Variants in NF1 observed in about 807,000 individuals in gnomAD.
The protein encoded by NF1 is neurofibromin.
A neutral mutation model predicts 325.7 loss-of-function variants in NF1; 122 were observed. The ratio of observed to expected loss-of-function variants is 0.37; its 90% CI spans 0.32 to 0.44. The LOEUF (loss-of-function observed/expected upper bound fraction) is 0.44, where lower values mean the gene tolerates loss of function less well. NF1 is among the 20% of genes least tolerant of loss of function. NF1 has a pLI of 1.00. For synonymous variants in NF1, 1,091 were observed against 1,186.0 expected, an observed-to-expected ratio of 0.92 and a Z score of 1.65; for missense variants, 2,140 against 3,415.4, an observed-to-expected ratio of 0.63 and a Z score of 9.31.
rs1356050612 is a variant in NF1, at chr17:31,282,507, C to G, written c.4835+17168C>G. 4.6e-5 allele frequency among the ~76,000 whole-genome samples: 7 copies of G among 152,250 alleles called. No homozygotes were observed. In the East Asian group the frequency reaches 1.3e-3, roughly 29 times the overall value. On this transcript the variant is annotated intron_variant, in intron 36 of 57. Transcript: ENST00000358273. ...TCATAGCCATCAACAGTCACTCTCCCCTTTCCTCCTGCCCCCCCTCAGCCC... is the reference window on the plus strand; with the variant it reads ...TCATAGCCATCAACAGTCACTCTCCGCTTTCCTCCTGCCCCCCCTCAGCCC...
rs926477667 is a variant in NF1 at position 31,185,733 on chromosome 17, C to G, written c.888+3068C>G. Among the ~76,000 whole-genome samples, 13 of 152,142 alleles carry G rather than the reference C, an allele frequency of 8.5e-5. No homozygotes were observed. In the South Asian group the frequency reaches 2.7e-3, roughly 32 times the overall value. The stretch of plus-strand genomic sequence containing the variant: ...AAGAACTGCCAGTTTTGAGTGGGGT[C>G]CAGAACAGGAGAAGGCTCTGCAACA... On this transcript the variant is annotated intron_variant, in intron 8 of 57. Coordinates refer to ENST00000358273, the MANE Select transcript of NF1 (RefSeq NM_001042492.3).
chr17:31,107,602 A>T (rs1042465827), intron 1 of NF1, among the ~76,000 whole-genome samples: 9 of 152,066 alleles, frequency 5.9e-5, no homozygotes, highest in Non-Finnish European at 1.0e-4. Flanking sequence ...AATAAATAAA[A>T]TAAATACATA....
rs757762958 is a variant in NF1 at position 31,233,223 on chromosome 17, T to C, written c.3708+10T>C. 1.9e-6 allele frequency: 3 copies of C among 1,612,568 alleles called. No individual in the cohort carries two copies. Among genetic ancestry groups the C allele is most frequent in the Non-Finnish European group, 2.5e-6 (3 of 1,178,704 alleles). ...TCCTTGTTCTCAGTGGGTAAGTGAT[T>C]AGAGTAAGCGGGGAAGAAAAGTGCC... On this transcript the variant is annotated intron_variant, in intron 27 of 57. Coordinates refer to ENST00000358273, the MANE Select transcript of NF1 (RefSeq NM_001042492.3).
chr17:31,280,279 C>T (rs911635346), intron 36 of NF1, among the ~76,000 whole-genome samples: 17 of 150,830 alleles, frequency 1.1e-4, no homozygotes, highest in East Asian at 3.9e-4. Context: ...TTTGGGAAGC[C>T]GAGGCAGGGT....
At position 31,350,270 on chromosome 17, in the gene NF1, A is replaced by G. The variant is rs2151574513; in HGVS notation, c.7409A>G (p.Asn2470Ser). The G allele has an allele frequency of 1.2e-6, 2 of 1,613,644 alleles. No homozygotes were observed. The highest frequency in any genetic ancestry group is 1.3e-5 in the African/African-American group (1 of 75,044). Reference protein sequence around the residue: ...SLLLTDISMENVPMDTYPIHH... With the variant: ...SLLLTDISMESVPMDTYPIHH... ...CTTCTTACTGATATTTCAATGGAAAATGTTCCTATGGATACATATCCCATT... is the reference window on the plus strand; with the variant it reads ...CTTCTTACTGATATTTCAATGGAAAGTGTTCCTATGGATACATATCCCATT... The change falls in exon 50 of 58, where the codon AAT (asparagine) becomes AGT (serine). Residue 2470 changes from asparagine (N) to serine (S), a missense_variant. Asn to Ser is a conservative substitution (Grantham distance 46, BLOSUM62 1). This residue lies in a region of NF1 where 522 missense variants were observed against 749.0 expected (regional missense o/e 0.70). Coordinates refer to ENST00000358273, the MANE Select transcript of NF1 (RefSeq NM_001042492.3).
Position 31,356,463 on chromosome 17 carries a change from C to A in NF1, c.7619C>A (p.Thr2540Lys), listed in dbSNP as rs1555536633. Residue 2540 changes from threonine to lysine, a missense_variant, in exon 52 of 58, where the codon ACA (threonine) becomes AAA (lysine). Thr to Lys is a moderately conservative substitution (Grantham distance 78). This residue lies in a region of NF1 where 522 missense variants were observed against 749.0 expected (regional missense o/e 0.70). Transcript: ENST00000358273. ...SQANTKKLLGTRKSFDHLISD... is the reference protein window; with the variant it reads ...SQANTKKLLGKRKSFDHLISD... Reference sequence around the variant, plus strand: ...TATTCTTAACTTTTGTTTATAGGAACAAGGAAAAGTTTTGATCACTTGATA... The same window carrying A: ...TATTCTTAACTTTTGTTTATAGGAAAAAGGAAAAGTTTTGATCACTTGATA... The A allele has an allele frequency of 1.2e-6, 2 of 1,613,254 alleles. No individual in the cohort carries two copies. The highest frequency in any genetic ancestry group is 1.1e-5 in the South Asian group (1 of 91,066).
intron 36 of NF1, 135 bp downstream of exon 36, chr17:31,265,474 G>A: frequency 3.0e-6 from 2 of 662,286 alleles, no homozygotes; most frequent in Non-Finnish European, 5.4e-6. Flanking sequence ...CATATAGCAG[G>A]GTAAATAGCC....
At chr17:31,304,755 A>G (rs2151509157) in intron 36 of NF1, 2 of 1,614,174 alleles carry the variant, frequency 1.2e-6, no homozygotes, top group Non-Finnish European at 1.7e-6. Context: ...TTTCTAAGTC[A>G]TCTGCTAAAA....
chr17:31,274,319 G>A (rs956068430), intron 36 of NF1, among the ~76,000 whole-genome samples: 4 of 152,018 alleles, frequency 2.6e-5, no homozygotes, highest in Non-Finnish European at 5.9e-5. Flanking sequence ...AGGGAAATTG[G>A]GTTGTATTCT....
chr17:31,330,434 A>T lies in NF1; in HGVS notation c.5748A>T (p.Ala1916=), dbSNP rs2151544841. 6.2e-7 allele frequency: 1 copy of T among 1,613,982 alleles called. No homozygotes were observed. The stretch of plus-strand genomic sequence containing the variant: ...TTGTCTCTATTAGTAAGACACTGGC[A>T]GCCAATGAGCCACACCTCACGTTAG... ...LFIVSISKTL[A]ANEPHLTLEF... Residue 1916 remains alanine, a synonymous_variant, in exon 39 of 58, where the codon GCA becomes GCT. Coordinates refer to ENST00000358273, the MANE Select transcript of NF1 (RefSeq NM_001042492.3).
intron 3 of NF1, among the ~76,000 whole-genome samples, chr17:31,162,809 T>C (rs931381053): frequency 1.3e-5 from 2 of 152,224 alleles, no homozygotes; most frequent in African/African-American, 4.8e-5. Context: ...TCAAGACAGA[T>C]GACACAATGC....
chr17:31,352,721 C>G (rs371075954), intron 51 of NF1, among the ~76,000 whole-genome samples: 1 of 151,932 alleles, frequency 6.6e-6, no homozygotes, highest in Non-Finnish European at 1.5e-5. Flanking sequence ...AGATAAATAC[C>G]TATAAGAAAG....
chr17:31,136,078 C>T (rs956186077), intron 1 of NF1, among the ~76,000 whole-genome samples: 2 of 151,854 alleles, frequency 1.3e-5, no homozygotes, highest in East Asian at 1.9e-4. Context: ...GCCTGTAATC[C>T]GAACACTTTG....
intron 11 of NF1, 143 bp downstream of exon 11, chr17:31,201,628 A>ATTCTAT: frequency 1.5e-6 from 1 of 667,196 alleles, no homozygotes; most frequent in Non-Finnish European, 2.7e-6. Flanking sequence ...CTCCATGGTG[A>ATTCTAT]TTCTATTTGA....
At chr17:31,160,781 T>C (rs746374998) in intron 3 of NF1, among the ~76,000 whole-genome samples, 1 of 152,194 alleles carries the variant, frequency 6.6e-6, no homozygotes, top group Non-Finnish European at 1.5e-5. Flanking sequence ...AATGAATGTA[T>C]TTTGGAGAAT....
chr17:31,236,032 T>G lies in NF1; in HGVS notation c.3974+11T>G. On this transcript the variant is annotated intron_variant, in intron 29 of 57. Transcript: ENST00000358273. ...AGTGGATCCTACCAGGTTTGTCATC[T>G]TTTCACATAGAACCGCTGTTTTTTG... 6.2e-7 allele frequency: 1 copy of G among 1,603,134 alleles called. No homozygotes were observed. Among genetic ancestry groups the G allele is most frequent in the Non-Finnish European group, 8.5e-7 (1 of 1,173,818 alleles).
intron 1 of NF1, among the ~76,000 whole-genome samples, chr17:31,098,704 C>T (rs541364876): frequency 3.9e-5 from 6 of 152,116 alleles, no homozygotes; most frequent in African/African-American, 1.2e-4. Flanking sequence ...GAGGCCGAGG[C>T]GGGCCGATCA....
intron 46 of NF1, chr17:31,340,266 G>T: frequency 1.8e-6 from 1 of 542,114 alleles, no homozygotes; most frequent in Non-Finnish European, 3.3e-6. Flanking sequence ...ACTGGATTTA[G>T]AAATCAAAGA....
At chr17:31,199,830 T>C (rs1183529717) in intron 8 of NF1, among the ~76,000 whole-genome samples, 3 of 152,034 alleles carry the variant, frequency 2.0e-5, no homozygotes, top group Admixed American at 1.3e-4. Context: ...AAAGAAGATA[T>C]GGTCAGCTGA....
Sources: gnomAD v4.1 joint callset for allele counts (sites outside exome capture counted in the v4.1 genomes callset) on GRCh38, gnomAD v4.1.1 for gene constraint, gnomAD v4.1.1 regional missense constraint, MANE v1.5 for transcripts, NCBI Gene and HGNC (gene_info 2026-07-23, HGNC 2026-07-21) for gene names.